The following CYP2J2 variants were observed in gnomAD, a reference collection of about 807,000 sequenced individuals.
CYP2J2 encodes the protein cytochrome P450 2J2.
A neutral mutation model predicts 48.8 loss-of-function variants in CYP2J2; 41 were observed. The observed-to-expected ratio is 0.84, with a 90% CI of 0.66 to 1.09. The LOEUF (loss-of-function observed/expected upper bound fraction) is 1.09. Among genes scored for constraint, CYP2J2 ranks in the 50% least tolerant of loss-of-function variants. The probability of loss-of-function intolerance (pLI) is 0.00; values close to 1 mark genes in which losing one functional copy is unlikely to be tolerated. For missense variants in CYP2J2, 644 were observed against 617.3 expected, an observed-to-expected ratio of 1.04 and a Z score of -0.46; for synonymous variants, 221 against 227.1, an observed-to-expected ratio of 0.97 and a Z score of 0.24.
intron 1 of CYP2J2, among the ~76,000 whole-genome samples, chr1:59,924,244 T>C (rs1359645676): frequency 6.6e-6 from 1 of 152,170 alleles, no homozygotes; most frequent in Non-Finnish European, 1.5e-5. Context: ...AAATACATTC[T>C]TAGATGAAGG....
chr1:59,917,944 C>A (rs941283366), intron 1 of CYP2J2, among the ~76,000 whole-genome samples: 2 of 152,168 alleles, frequency 1.3e-5, no homozygotes, highest in Non-Finnish European at 2.9e-5. Context: ...TGGTCCCCAT[C>A]GGAGCAAATA....
the CYP2J2 span, among the ~76,000 whole-genome samples, chr1:59,956,410 GA>G: frequency 2.0e-5 from 3 of 152,126 alleles, no homozygotes; most frequent in African/African-American, 7.2e-5. Flanking sequence ...TTTTTCATCT[GA>G]TGATACCTTT....
chr1:59,923,979 T>C (rs553190370), intron 1 of CYP2J2, among the ~76,000 whole-genome samples: 1 of 152,204 alleles, frequency 6.6e-6, no homozygotes, highest in African/African-American at 2.4e-5. Flanking sequence ...CCAAAGAAAG[T>C]AGCACCAAGA....
intron 1 of CYP2J2, among the ~76,000 whole-genome samples, chr1:59,917,137 G>A (rs552400397): frequency 8.9e-4 from 135 of 152,224 alleles, no homozygotes; most frequent in African/African-American, 3.1e-3. Context: ...GCTATAAAAG[G>A]GAGAAAATTA....
chr1:59,946,772 A>G, the CYP2J2 span, among the ~76,000 whole-genome samples: 2 of 152,204 alleles, frequency 1.3e-5, no homozygotes, highest in Non-Finnish European at 2.9e-5. Flanking sequence ...ACACATAACA[A>G]AATAACTTTT....
At chr1:59,958,682 A>G in the CYP2J2 span, among the ~76,000 whole-genome samples, 1 of 152,024 alleles carries the variant, frequency 6.6e-6, no homozygotes, top group Non-Finnish European at 1.5e-5. Context: ...TCTTTTCATC[A>G]TTCTTAACCA....
At chr1:59,916,591 G>A (rs1644468200) in intron 1 of CYP2J2, among the ~76,000 whole-genome samples, 1 of 152,040 alleles carries the variant, frequency 6.6e-6, no homozygotes, top group Admixed American at 6.6e-5. Flanking sequence ...AAATTAGCTG[G>A]GTATGGTGGT....
chr1:59,912,022 G>C (rs1644421019), intron 3 of CYP2J2, 140 bp downstream of exon 3: 1 of 1,014,510 alleles, frequency 9.9e-7, no homozygotes, highest in Admixed American at 3.0e-5. Context: ...AAAACTCTTT[G>C]AGGACAGAGT....
At chr1:59,923,284 A>G (rs1644534019) in intron 1 of CYP2J2, among the ~76,000 whole-genome samples, 1 of 152,258 alleles carries the variant, frequency 6.6e-6, no homozygotes, top group Admixed American at 6.5e-5. Flanking sequence ...TATAACCTGC[A>G]TTGATATTTG....
the CYP2J2 span, among the ~76,000 whole-genome samples, chr1:59,950,599 T>C: frequency 2.0e-5 from 3 of 152,214 alleles, no homozygotes; most frequent in Non-Finnish European, 2.9e-5. Context: ...CTGTTTACAA[T>C]GAAGCGGGTA....
intron 8 of CYP2J2, among the ~76,000 whole-genome samples, chr1:59,894,930 A>G (rs111641698): frequency 5.9e-5 from 9 of 152,204 alleles, no homozygotes; most frequent in African/African-American, 1.7e-4. Flanking sequence ...ACTTTCCATA[A>G]CAAGCCTTTT....
rs1644243002 is a variant in CYP2J2, at chr1:59,893,623, T to C, written c.*28A>G. 2 of 1,542,388 alleles carry C rather than the reference T, an allele frequency of 1.3e-6. No individual in the cohort carries two copies. The highest frequency in any genetic ancestry group is 2.7e-5 in the African/African-American group (2 of 72,902). ...AGAACACGTGCCATGTCTTCTTACT[T>C]TCCTTGCCCCTTTCTTTCTTAACAA... On this transcript the variant is annotated 3_prime_UTR_variant, in exon 9 of 9. Coordinates refer to ENST00000371204, the MANE Select transcript of CYP2J2 (RefSeq NM_000775.4).
intron 6 of CYP2J2, among the ~76,000 whole-genome samples, chr1:59,907,500 G>T (rs1404249590): frequency 6.6e-6 from 1 of 152,200 alleles, no homozygotes; most frequent in Non-Finnish European, 1.5e-5. Flanking sequence ...ACATCAGAAA[G>T]TTAACTGTTT....
chr1:59,946,963 T>TAA, the CYP2J2 span, among the ~76,000 whole-genome samples: 2 of 146,262 alleles, frequency 1.4e-5, no homozygotes, highest in African/African-American at 5.0e-5. Flanking sequence ...AAGCATTTTG[T>TAA]AAAAAAAAAA....
chr1:59,903,580 C>A (rs1019415140), intron 7 of CYP2J2, among the ~76,000 whole-genome samples: 1 of 152,182 alleles, frequency 6.6e-6, no homozygotes. Context: ...TGCCAGTCAC[C>A]TGGGTAATGG....
rs369764785 is a variant in CYP2J2, at chr1:59,926,728, A to C, written c.19T>G (p.Ser7Ala). 1 of 1,613,492 alleles carries C rather than the reference A, an allele frequency of 6.2e-7. No individual in the cohort carries two copies. The highest frequency in any genetic ancestry group is 1.3e-5 in the African/African-American group (1 of 74,928). Reference protein sequence around the residue: MLAAMGSLAAALWAVVH... With the variant: MLAAMGALAAALWAVVH... ...ACTGCCCAGAGGGCAGCCGCCAGAG[A>C]GCCCATCGCCGCGAGCATGGCTCAG... The change falls in exon 1 of 9, where the codon TCT becomes GCT. Residue 7 changes from serine to alanine, a missense_variant. Coordinates refer to ENST00000371204, the MANE Select transcript of CYP2J2 (RefSeq NM_000775.4).
intron 2 of CYP2J2, chr1:59,912,530 A>T (rs1008219476): frequency 5.9e-5 from 30 of 505,972 alleles, no homozygotes; most frequent in Middle Eastern, 5.2e-4. Flanking sequence ...TGTGCATTAT[A>T]TAATTTAGTA....
intron 1 of CYP2J2, among the ~76,000 whole-genome samples, chr1:59,922,462 T>G (rs905394207): frequency 6.6e-6 from 1 of 152,154 alleles, no homozygotes; most frequent in African/African-American, 2.4e-5. Context: ...ACTCCATTTG[T>G]TTTACACCCA....
chr1:59,950,527 T>G, the CYP2J2 span, among the ~76,000 whole-genome samples: 1 of 152,198 alleles, frequency 6.6e-6, no homozygotes, highest in Non-Finnish European at 1.5e-5. Context: ...TTTTTCTGCA[T>G]TGCTAACCAA....
Sources: allele counts gnomAD v4.1 joint callset (sites outside exome capture counted in the v4.1 genomes callset), GRCh38; gene constraint gnomAD v4.1.1; transcripts MANE v1.5; gene names NCBI Gene and HGNC (gene_info 2026-07-23, HGNC 2026-07-21).